The following TBC1D1 variants were observed in gnomAD, a reference collection of about 807,000 sequenced individuals.
The protein encoded by TBC1D1 is TBC1 (tre-2/USP6, BUB2, cdc16) domain family, member 1.
In TBC1D1, 89 loss-of-function variants were observed where a neutral mutation model predicts 125.6. The observed-to-expected ratio is 0.71, with a 90% confidence interval of 0.60 to 0.85. TBC1D1 has a LOEUF of 0.85. Ranked by LOEUF, TBC1D1 falls within the 40% of genes least tolerant of loss-of-function variation. The pLI is 0.00. For missense variants in TBC1D1, 1,377 were observed against 1,469.2 expected, an observed-to-expected ratio of 0.94 and a Z score of 1.03; for synonymous variants, 565 against 564.1, an observed-to-expected ratio of 1.00 and a Z score of -0.02.
chr4:37,922,139 A>G (rs1432860873), intron 2 of TBC1D1, among the ~76,000 whole-genome samples: 2 of 152,004 alleles, frequency 1.3e-5, no homozygotes, highest in Non-Finnish European at 2.9e-5. Flanking sequence ...AATAACCACA[A>G]CTAATTTGCA....
chr4:37,941,764 C>T (rs1725621960), intron 2 of TBC1D1, among the ~76,000 whole-genome samples: 1 of 152,310 alleles, frequency 6.6e-6, no homozygotes, highest in African/African-American at 2.4e-5. Flanking sequence ...TTTATTTCTG[C>T]CTTCATTTCG....
chr4:38,000,725 C>G (rs1462527783), intron 2 of TBC1D1, among the ~76,000 whole-genome samples: 1 of 152,166 alleles, frequency 6.6e-6, no homozygotes, highest in Non-Finnish European at 1.5e-5. Flanking sequence ...CTCCAGTGAT[C>G]AGTTAAATTC....
intron 2 of TBC1D1, among the ~76,000 whole-genome samples, chr4:37,999,575 C>T (rs769303048): frequency 6.6e-6 from 1 of 151,856 alleles, no homozygotes; most frequent in Non-Finnish European, 1.5e-5. Context: ...AGCAGAAGAC[C>T]AGGTGCCCTC....
At chr4:38,044,956 C>T (rs190074041) in intron 9 of TBC1D1, among the ~76,000 whole-genome samples, 3,742 of 152,264 alleles carry the variant, frequency 0.025, 69 homozygotes, top group South Asian at 0.074. Flanking sequence ...GTTGAAACAC[C>T]GCCACATCCA....
intron 14 of TBC1D1, 124 bp downstream of exon 16, chr4:38,096,214 AATCT>A (rs1366204635): frequency 1.9e-5 from 14 of 749,094 alleles, no homozygotes; most frequent in African/African-American, 1.7e-4. Flanking sequence ...ATCACATCTT[AATCT>A]ATTTCCATAT....
chr4:38,097,637 C>T (rs191687095), intron 14 of TBC1D1, among the ~76,000 whole-genome samples: 8 of 152,148 alleles, frequency 5.3e-5, no homozygotes, highest in African/African-American at 7.2e-5. Flanking sequence ...CCACCGTGCC[C>T]GGCCAATTTT....
chr4:38,027,617 C>T (rs1302929285), intron 6 of TBC1D1, among the ~76,000 whole-genome samples, 171 bp from the exon 7 acceptor site: 1 of 151,230 alleles, frequency 6.6e-6, no homozygotes, highest in African/African-American at 2.4e-5. Context: ...GCCTGGGTGA[C>T]AGAGTGGGAT....
intron 12 of TBC1D1, among the ~76,000 whole-genome samples, chr4:38,075,145 T>A (rs1438784445): frequency 2.0e-5 from 3 of 152,242 alleles, no homozygotes; most frequent in Non-Finnish European, 4.4e-5. Flanking sequence ...TTAAGAAATT[T>A]GCTTACCACA....
chr4:37,928,342 A>G (rs1722538955), intron 2 of TBC1D1, among the ~76,000 whole-genome samples: 1 of 152,180 alleles, frequency 6.6e-6, no homozygotes, highest in Non-Finnish European at 1.5e-5. Flanking sequence ...AGCGGCAAAT[A>G]TTGATGTTGT....
chr4:38,006,691 G>C, intron 2 of TBC1D1: 1 of 297,024 alleles, frequency 3.4e-6, no homozygotes, highest in East Asian at 9.6e-5. Flanking sequence ...ATGTTAGCCA[G>C]GATGGGCTCA....
intron 2 of TBC1D1, among the ~76,000 whole-genome samples, chr4:37,905,285 A>T (rs550206242): frequency 1.3e-5 from 2 of 152,382 alleles, no homozygotes; most frequent in South Asian, 4.1e-4. Context: ...GATAAACTTT[A>T]TCAAGTTCAA....
At chr4:38,047,964 A>T (rs1252677455) in intron 10 of TBC1D1, among the ~76,000 whole-genome samples, 2 of 152,176 alleles carry the variant, frequency 1.3e-5, no homozygotes, top group African/African-American at 2.4e-5. Flanking sequence ...AGATCTAGGA[A>T]TATATACATA....
intron 2 of TBC1D1, among the ~76,000 whole-genome samples, chr4:38,003,953 C>A (rs138791539): frequency 3.0e-4 from 45 of 151,934 alleles, no homozygotes; most frequent in African/African-American, 8.2e-4. Flanking sequence ...CTATTATAGG[C>A]TAGGCTCTAT....
At chr4:38,009,669 G>A (rs1244112635) in intron 2 of TBC1D1, among the ~76,000 whole-genome samples, 1 of 152,168 alleles carries the variant, frequency 6.6e-6, no homozygotes, top group African/African-American at 2.4e-5. Context: ...ACTTATGCAT[G>A]CTTCAGAAAC....
chr4:37,984,295 A>G (rs1390440435), intron 2 of TBC1D1, among the ~76,000 whole-genome samples: 1 of 152,202 alleles, frequency 6.6e-6, no homozygotes, highest in Non-Finnish European at 1.5e-5. Flanking sequence ...TATGATTGAT[A>G]GATTGTAATG....
chr4:37,902,213 C>A lies in TBC1D1; in HGVS notation c.118C>A (p.Leu40Met). ...GCATTCCCTGACCACCATGCCCATG[C>A]TGCCCTGGGTTGTGGCTGAGGTGCG... Residue 40 changes from leucine to methionine, a missense_variant, in exon 2 of 20, where the codon CTG (leucine) becomes ATG (methionine). Leu to Met is a conservative substitution (Grantham distance 15). This residue lies in a region of TBC1D1 where 822 missense variants were observed against 824.6 expected (regional missense o/e 1.00). Coordinates refer to ENST00000261439, the MANE Select transcript of TBC1D1 (RefSeq NM_015173.4). 1 of 1,614,116 alleles carries A rather than the reference C, an allele frequency of 6.2e-7. No homozygotes were observed. Among genetic ancestry groups the A allele is most frequent in the Non-Finnish European group, 8.5e-7 (1 of 1,180,014 alleles).
intron 14 of TBC1D1, among the ~76,000 whole-genome samples, chr4:38,100,527 A>G (rs1368438390): frequency 6.6e-6 from 1 of 152,232 alleles, no homozygotes; most frequent in African/African-American, 2.4e-5. Flanking sequence ...TCCTTACTTA[A>G]TTATATCTGC....
intron 14 of TBC1D1, among the ~76,000 whole-genome samples, chr4:38,099,347 G>C (rs1217619025): frequency 1.3e-5 from 2 of 152,140 alleles, no homozygotes; most frequent in Non-Finnish European, 2.9e-5. Flanking sequence ...ATGGTCTCCT[G>C]TACTGTTGAT....
chr4:38,130,631 A>G (rs1020316096), intron 18 of TBC1D1, among the ~76,000 whole-genome samples: 3 of 152,330 alleles, frequency 2.0e-5, no homozygotes, highest in South Asian at 2.1e-4. Context: ...CAGAGGGGCC[A>G]GGTACCTTGC....
Sources: allele counts gnomAD v4.1 joint callset (sites outside exome capture counted in the v4.1 genomes callset), GRCh38; gene constraint gnomAD v4.1.1; regional missense constraint gnomAD v4.1.1; transcripts MANE v1.5; gene names NCBI Gene and HGNC (gene_info 2026-07-23, HGNC 2026-07-21).